GAB3: variants seen among roughly 807,000 people sequenced by gnomAD.
GAB3 encodes the protein GRB2 associated binding protein 3.
In GAB3, 12 loss-of-function variants were observed where a neutral mutation model predicts 40.4. That is an observed-to-expected ratio of 0.30 (90% CI 0.19 to 0.48). GAB3 has a LOEUF of 0.48. GAB3 is among the 20% of genes least tolerant of loss of function. The probability of loss-of-function intolerance (pLI) is 0.99; values close to 1 mark genes in which losing one functional copy is unlikely to be tolerated. For missense variants in GAB3, 381 were observed against 461.9 expected (o/e 0.82, Z 1.61); for synonymous variants, 154 against 176.7 (o/e 0.87, Z 1.02).
intron 1 of GAB3, among the ~76,000 whole-genome samples, chrX:154,728,643 A>T: frequency 8.9e-6 from 1 of 112,490 alleles, no homozygotes; most frequent in South Asian, 3.6e-4. Context: ...GGAGTTACAG[A>T]TAGAACACAG....
At chrX:154,723,170 G>A (rs1557258974) in intron 1 of GAB3, among the ~76,000 whole-genome samples, 2 of 112,039 alleles carry the variant, frequency 1.8e-5, no homozygotes, top group Admixed American at 9.4e-5. Context: ...GTGAACCACC[G>A]TGCCCGGCCT....
chrX:154,694,177 T>C (rs782238312), intron 8 of GAB3, among the ~76,000 whole-genome samples: 1 of 111,964 alleles, frequency 8.9e-6, no homozygotes, highest in South Asian at 3.7e-4. Flanking sequence ...TACTAAAGTT[T>C]AAAAAAACAC....
Position 154,712,599 on chromosome X carries a change from A to G in GAB3, c.699T>C (p.Ser233=), listed in dbSNP as rs1569557794. 8.7e-7 allele frequency: 1 copy of G among 1,144,093 alleles called. No individual in the cohort carries two copies. Among genetic ancestry groups the G allele is most frequent in the Non-Finnish European group, 1.2e-6 (1 of 863,981 alleles). 94.3% of individuals were successfully genotyped at this position (1,144,093 alleles called of 1,213,427 possible). ...CATGGCATGAGGGGTGGACCAAATG[A>G]CTGGAGGGGAGCGGCTGCAGGCAGT... The part of the protein sequence containing the change: ...FVDCLQPLPS[S]HLVHPSCHGS... The change falls in exon 4 of 10, where the codon AGT becomes AGC. Residue 233 remains serine, a synonymous_variant. Coordinates refer to ENST00000424127, the MANE Select transcript of GAB3 (RefSeq NM_001081573.3).
At chrX:154,751,482 C>T, upstream of GAB3, 1 of 750,010 alleles carries the variant, frequency 1.3e-6, no homozygotes, top group Non-Finnish European at 1.6e-6. Context: ...AGCTGAAACC[C>T]AAGTACCACC....
intron 1 of GAB3, among the ~76,000 whole-genome samples, chrX:154,722,673 G>A (rs1300919944): frequency 8.9e-6 from 1 of 111,996 alleles, no homozygotes; most frequent in African/African-American, 3.3e-5. Context: ...AAATGTTTAA[G>A]TGTGCCTAGC....
Position 154,678,100 on chromosome X carries a change from C to CA in GAB3, c.*77dup, listed in dbSNP as rs371001859. 23,292 of 363,435 alleles carry CA rather than the reference C, an allele frequency of 0.064. 24 individuals are homozygous for CA. Among genetic ancestry groups the CA allele is most frequent in the Admixed American group, 0.069 (1,318 of 18,978 alleles). The allele number at this position is 363,435 out of a possible 1,213,427, so 30.0% of individuals were successfully genotyped here. On this transcript the variant is annotated 3_prime_UTR_variant, in exon 10 of 10. Transcript: ENST00000424127. Reference sequence around the variant, plus strand: ...TGACCATCAGTGTGTTTTTAGTGGACAAAAAAAAAAAAAAAAGAAAAAACT... The same window carrying CA: ...TGACCATCAGTGTGTTTTTAGTGGACAAAAAAAAAAAAAAAAAGAAAAAACT...
chrX:154,726,960 C>T (rs1569558030), intron 1 of GAB3, among the ~76,000 whole-genome samples: 1 of 111,962 alleles, frequency 8.9e-6, no homozygotes, highest in African/African-American at 3.3e-5. Flanking sequence ...TTGAAATAGC[C>T]TCTTGTCTTC....
Position 154,678,123 on chromosome X carries a change from ACT to A in GAB3, c.*53_*54del. On this transcript the variant is annotated 3_prime_UTR_variant, in exon 10 of 10. Transcript: ENST00000424127. ...GACAAAAAAAAAAAAAAAAGAAAAA[ACT>A]CAAACTGAGCCCCAAGCTTCCCTGT... 2 of 644,740 alleles carry A rather than the reference ACT, an allele frequency of 3.1e-6. No individual in the cohort carries two copies. The highest frequency in any genetic ancestry group is 2.4e-6 in the Non-Finnish European group (1 of 411,647). The allele number at this position is 644,740 out of a possible 1,213,427, so 53.1% of individuals were successfully genotyped here. A position where few individuals can be genotyped will look rare whatever the true frequency, so the allele number is the denominator to read the frequency against.
chrX:154,710,476 AGGAAACTCAGACCCTCACATACATG>A, intron 4 of GAB3, among the ~76,000 whole-genome samples: 1 of 112,086 alleles, frequency 8.9e-6, no homozygotes, highest in African/African-American at 3.2e-5. Flanking sequence ...GAAAGCAGAA[AGGAAACTCAGACCCTCACATACATG>A]GGCACTTCAT....
intron 8 of GAB3, among the ~76,000 whole-genome samples, chrX:154,695,454 C>G (rs782540980): frequency 8.9e-6 from 1 of 111,771 alleles, no homozygotes; most frequent in Non-Finnish European, 1.9e-5. Flanking sequence ...GTACCTTTCC[C>G]AATGGGACTC....
chrX:154,739,212 T>C (rs187086525), intron 1 of GAB3, among the ~76,000 whole-genome samples: 1 of 112,065 alleles, frequency 8.9e-6, no homozygotes, highest in Admixed American at 9.5e-5. Context: ...TACCATGCCC[T>C]GAAACTCATT....
chrX:154,735,487 C>T (rs1254951828), intron 1 of GAB3, among the ~76,000 whole-genome samples: 1 of 112,362 alleles, frequency 8.9e-6, no homozygotes, highest in Admixed American at 9.4e-5. Flanking sequence ...GCTTTCACAT[C>T]TCAGTACATG....
chrX:154,748,819 C>T (rs371870137), intron 1 of GAB3, among the ~76,000 whole-genome samples: 2 of 112,216 alleles, frequency 1.8e-5, no homozygotes, highest in East Asian at 5.5e-4. Flanking sequence ...TCGGAGTTAG[C>T]GCTCCGTTAA....
chrX:154,687,182 A>G lies in GAB3; in HGVS notation c.1531-6934T>C, dbSNP rs1015341101. Among the ~76,000 whole-genome samples the G allele has an allele frequency of 5.5e-5, 6 of 109,952 alleles. No homozygotes were observed. The Admixed American group carries it at 5.8e-4, about 11-fold the overall frequency. ...ACTCCAACCTGGGTGACAGAGCAAG[A>G]CTCTATCTCAAAAAAAAGAAAAAAA... On this transcript the variant is annotated intron_variant, in intron 8 of 9. Transcript: ENST00000424127.
intron 4 of GAB3, among the ~76,000 whole-genome samples, chrX:154,704,835 G>A (rs2070784647): frequency 1.8e-5 from 2 of 111,617 alleles, no homozygotes; most frequent in South Asian, 7.4e-4. Context: ...TGAAAACCCA[G>A]AGGAAAAGGA....
intron 4 of GAB3, among the ~76,000 whole-genome samples, chrX:154,702,536 C>T (rs2070753208): frequency 8.9e-6 from 1 of 112,118 alleles, no homozygotes; most frequent in African/African-American, 3.2e-5. Flanking sequence ...ACCAAAAGTA[C>T]AGACAACCAA....
At chrX:154,732,567 T>C (rs2071306658) in intron 1 of GAB3, among the ~76,000 whole-genome samples, 1 of 112,083 alleles carries the variant, frequency 8.9e-6, no homozygotes. Flanking sequence ...TACGTAATAC[T>C]GGCAGCTGGG....
intron 1 of GAB3, among the ~76,000 whole-genome samples, chrX:154,746,691 A>G (rs1485040560): frequency 5.3e-5 from 6 of 112,622 alleles, no homozygotes; most frequent in Non-Finnish European, 9.4e-5. Flanking sequence ...CGTCATTTCT[A>G]TGCAACATTT....
intron 1 of GAB3, among the ~76,000 whole-genome samples, chrX:154,723,573 G>A (rs2071169035): frequency 9.0e-6 from 1 of 111,674 alleles, no homozygotes; most frequent in Non-Finnish European, 1.9e-5. Flanking sequence ...TGAGATGTTT[G>A]CATTTTATGG....
Sources: allele counts gnomAD v4.1 joint callset (sites outside exome capture counted in the v4.1 genomes callset), GRCh38; gene constraint gnomAD v4.1.1; transcripts MANE v1.5; gene names NCBI Gene and HGNC (gene_info 2026-07-23, HGNC 2026-07-21).